The following PDCD6 variants were observed in gnomAD, a reference collection of about 807,000 sequenced individuals.
The protein encoded by PDCD6 is programmed cell death 6, also known as programmed cell death protein 6.
PDCD6 carries 12 observed loss-of-function variants against 28.3 expected under a neutral mutation model. The ratio of observed to expected loss-of-function variants is 0.42; its 90% confidence interval spans 0.27 to 0.69. The LOEUF is 0.69. PDCD6 is among the 30% of genes least tolerant of loss of function. The pLI is 0.22. For missense variants in PDCD6, 226 were observed against 269.9 expected (o/e 0.84, Z 1.14); for synonymous variants, 92 against 108.0 (o/e 0.85, Z 0.92).
intron 2 of PDCD6, among the ~76,000 whole-genome samples, chr5:303,687 C>G (rs1740280307): frequency 6.6e-6 from 1 of 151,534 alleles, no homozygotes; most frequent in Non-Finnish European, 1.5e-5. Flanking sequence ...CTGGTACTTG[C>G]ACCTTTCAGT....
intron 2 of PDCD6, among the ~76,000 whole-genome samples, chr5:293,973 G>A (rs1415004619): frequency 7.5e-5 from 10 of 133,208 alleles, no homozygotes; most frequent in African/African-American, 3.0e-4. Context: ...GGAACAGCAC[G>A]AGGCACTGGG....
At chr5:292,291 C>T (rs1371663138) in intron 2 of PDCD6, among the ~76,000 whole-genome samples, 1 of 152,218 alleles carries the variant, frequency 6.6e-6, no homozygotes. Flanking sequence ...CAGAGTCTCA[C>T]TCTGTTGCCC....
At chr5:302,941 C>T (rs1398730175) in intron 2 of PDCD6, among the ~76,000 whole-genome samples, 1 of 152,216 alleles carries the variant, frequency 6.6e-6, no homozygotes, top group Non-Finnish European at 1.5e-5. Context: ...CACAGCTTCC[C>T]TGCATAACTG....
intron 2 of PDCD6, chr5:290,238 G>T: frequency 6.5e-7 from 1 of 1,536,344 alleles, no homozygotes. Flanking sequence ...ATATGACAAA[G>T]AAACTGATCC....
chr5:278,019 C>T (rs968861895), intron 2 of PDCD6, among the ~76,000 whole-genome samples: 1 of 152,154 alleles, frequency 6.6e-6, no homozygotes, highest in Non-Finnish European at 1.5e-5. Flanking sequence ...AGATGAGTCC[C>T]TTCTCCAGCT....
At chr5:313,678 T>TTCC (rs1372575937) in intron 5 of PDCD6, 2 of 151,866 alleles carry the variant, frequency 1.3e-5, no homozygotes, top group East Asian at 3.9e-4. Context: ...CCTGCCACAT[T>TTCC]TTCTTCTTCT....
At chr5:310,100 C>CCTG in intron 4 of PDCD6, 1 of 212,154 alleles carries the variant, frequency 4.7e-6, no homozygotes, top group South Asian at 5.4e-5. Context: ...AGGCTCTGTT[C>CCTG]TCAGCAGGCT....
intron 2 of PDCD6, among the ~76,000 whole-genome samples, chr5:288,466 A>G (rs989852757): frequency 4.6e-5 from 7 of 151,512 alleles, no homozygotes; most frequent in Non-Finnish European, 1.0e-4. Flanking sequence ...ACAAGACAAA[A>G]ACCTTCTTTC....
rs533225995 is a variant in PDCD6, at chr5:307,119, G to A, written c.367+359G>A. ...TATATTTCATGATAGATCAAAGCAC[G>A]TTGAAAAGGCAACAGTCACCTAAGA... On this transcript the variant is annotated intron_variant, in intron 4 of 5. Transcript: ENST00000264933. The surrounding 1 kb of genome is among the most constrained non-coding windows in gnomAD (Gnocchi z 6.1). Among the ~76,000 whole-genome samples the A allele has an allele frequency of 1.1e-3, 170 of 152,318 alleles. 1 individual carries two copies. Among genetic ancestry groups the A allele is most frequent in the African/African-American group, 3.8e-3 (156 of 41,568 alleles).
intron 3 of PDCD6, 100 bp from the exon 4 acceptor site, chr5:306,502 G>A: frequency 7.8e-7 from 1 of 1,290,238 alleles, no homozygotes; most frequent in South Asian, 1.3e-5. Context: ...GGTCAGCAGT[G>A]GGGCCCCGCC....
chr5:291,217 G>A lies in PDCD6; in HGVS notation c.164-12960G>A, dbSNP rs550125404. On this transcript the variant is annotated intron_variant, in intron 2 of 5. Transcript: ENST00000264933. Reference sequence around the variant, plus strand: ...ACATCCCTAAAAAATATGCCATTTAGTTTTTGAACTTTCTGTTTTCTTTTT... The same window carrying A: ...ACATCCCTAAAAAATATGCCATTTAATTTTTGAACTTTCTGTTTTCTTTTT... Among the ~76,000 whole-genome samples the A allele has an allele frequency of 1.4e-3, 212 of 152,230 alleles. 3 individuals carry two copies. Among genetic ancestry groups the A allele is most frequent in the African/African-American group, 4.8e-3 (200 of 41,544 alleles).
chr5:292,769 C>T (rs900784286), intron 2 of PDCD6, among the ~76,000 whole-genome samples: 2 of 152,170 alleles, frequency 1.3e-5, no homozygotes, highest in Admixed American at 6.5e-5. Flanking sequence ...GACTTGGCTC[C>T]GTCTCTGAGT....
At chr5:275,738 C>T (rs1738153569) in intron 2 of PDCD6, among the ~76,000 whole-genome samples, 2 of 152,368 alleles carry the variant, frequency 1.3e-5, no homozygotes, top group South Asian at 4.1e-4. Context: ...GTGGGCATTG[C>T]TGTCGGTGCT....
chr5:309,483 T>C (rs1740752121), intron 4 of PDCD6: 1 of 187,178 alleles, frequency 5.3e-6, no homozygotes, highest in Non-Finnish European at 1.1e-5. Flanking sequence ...GCTCCTGTTG[T>C]CTGTGCAGAC....
At chr5:306,882 A>G (rs1287733849) in intron 4 of PDCD6, 122 bp downstream of exon 4, 2 of 956,014 alleles carry the variant, frequency 2.1e-6, no homozygotes, top group Non-Finnish European at 3.3e-6. Flanking sequence ...GTTTTTGTTG[A>G]CGTCATGCAG....
intron 2 of PDCD6, among the ~76,000 whole-genome samples, chr5:301,582 G>A (rs182874237): frequency 7.7e-4 from 117 of 152,340 alleles, no homozygotes; most frequent in Non-Finnish European, 1.2e-3. Flanking sequence ...ACAGATGCTC[G>A]TCGAGTGCTG....
chr5:292,293 CTG>C (rs1739361014), intron 2 of PDCD6, among the ~76,000 whole-genome samples: 1 of 152,232 alleles, frequency 6.6e-6, no homozygotes, highest in African/African-American at 2.4e-5. Flanking sequence ...GAGTCTCACT[CTG>C]TTGCCCAGGC....
intron 2 of PDCD6, chr5:276,301 T>G (rs1355194581): frequency 1.8e-6 from 2 of 1,117,514 alleles, no homozygotes; most frequent in Non-Finnish European, 2.2e-6. Context: ...TTCTCTGATA[T>G]GCACCTTTTT....
intron 2 of PDCD6, among the ~76,000 whole-genome samples, chr5:300,764 A>G (rs1281497973): frequency 6.6e-6 from 1 of 152,202 alleles, no homozygotes; most frequent in Non-Finnish European, 1.5e-5. Context: ...GAGTGGAGAC[A>G]TCAGGAGTGT....
Sources: allele counts gnomAD v4.1 joint callset (sites outside exome capture counted in the v4.1 genomes callset), GRCh38; gene constraint gnomAD v4.1.1; non-coding constraint Gnocchi (gnomAD v3.1); transcripts MANE v1.5; gene names NCBI Gene and HGNC (gene_info 2026-07-23, HGNC 2026-07-21).